The following OPCML variants were observed in gnomAD, a reference collection of about 807,000 sequenced individuals.
OPCML encodes opioid binding protein/cell adhesion molecule like.
Under a neutral mutation model 37.8 loss-of-function variants are expected in OPCML, and 13 were observed. That is an observed-to-expected ratio of 0.34 (90% confidence interval 0.22 to 0.55). OPCML has a LOEUF of 0.55. Among genes scored for constraint, OPCML ranks in the 20% least tolerant of loss-of-function variants. The probability of loss-of-function intolerance (pLI) is 0.91; values close to 1 mark genes in which losing one functional copy is unlikely to be tolerated. For synonymous variants in OPCML, 176 were observed against 168.8 expected, an observed-to-expected ratio of 1.04 and a Z score of -0.33; for missense variants, 341 against 435.6, an observed-to-expected ratio of 0.78 and a Z score of 1.93.
intron 4 of OPCML, among the ~76,000 whole-genome samples, chr11:132,519,074 G>T (rs2096286501): frequency 6.6e-6 from 1 of 152,180 alleles, no homozygotes; most frequent in African/African-American, 2.4e-5. Flanking sequence ...TCCCATTTCT[G>T]ACATGCATAG....
intron 1 of OPCML, among the ~76,000 whole-genome samples, chr11:133,280,249 C>A (rs1050960345): frequency 5.3e-5 from 8 of 152,186 alleles, no homozygotes; most frequent in African/African-American, 1.9e-4. Context: ...CTGTCCTTTT[C>A]TCTCCTTAGA....
At chr11:132,770,896 C>T (rs756915416) in intron 2 of OPCML, among the ~76,000 whole-genome samples, 4 of 152,122 alleles carry the variant, frequency 2.6e-5, no homozygotes, top group South Asian at 2.1e-4. Flanking sequence ...TTGTATTTCC[C>T]GGGGTTAAGG....
intron 2 of OPCML, among the ~76,000 whole-genome samples, chr11:132,778,012 C>A (rs908741443): frequency 1.3e-5 from 2 of 152,194 alleles, no homozygotes; most frequent in Non-Finnish European, 2.9e-5. Flanking sequence ...AGCCAACCAT[C>A]CCCTTTGTTT....
chr11:133,112,988 TC>T (rs896317536), intron 1 of OPCML, among the ~76,000 whole-genome samples: 4 of 152,196 alleles, frequency 2.6e-5, no homozygotes, highest in African/African-American at 9.7e-5. Flanking sequence ...TATTCACAAT[TC>T]CCATCTGCAA....
intron 2 of OPCML, among the ~76,000 whole-genome samples, chr11:132,786,157 C>G (rs997202647): frequency 6.6e-6 from 1 of 152,156 alleles, no homozygotes; most frequent in African/African-American, 2.4e-5. Flanking sequence ...TTGGATTTCT[C>G]TAGCTTTGAA....
At chr11:133,482,206 A>G (rs1262734111) in intron 1 of OPCML, among the ~76,000 whole-genome samples, 2 of 152,120 alleles carry the variant, frequency 1.3e-5, no homozygotes, top group Non-Finnish European at 2.9e-5. Context: ...TGGTGAGAGG[A>G]GTCACAGATA....
chr11:132,697,328 C>T (rs912879233), intron 2 of OPCML, among the ~76,000 whole-genome samples: 3 of 152,152 alleles, frequency 2.0e-5, no homozygotes, highest in East Asian at 3.9e-4. Flanking sequence ...TTCAAGTATG[C>T]GATACACTAT....
intron 3 of OPCML, among the ~76,000 whole-genome samples, chr11:132,544,704 G>A (rs191107595): frequency 6.6e-6 from 1 of 152,082 alleles, no homozygotes; most frequent in Non-Finnish European, 1.5e-5. Context: ...ACAAAAGAAG[G>A]CCACTTTTGC....
Position 133,116,262 on chromosome 11 carries a change from C to T in OPCML, c.62-173252G>A, listed in dbSNP as rs114839055. ...GATTACAGGTGTGAGCCACTGCACC[C>T]GGCCAAGGGCATTATTTACACAACC... On this transcript the variant is annotated intron_variant, in intron 1 of 7. Transcript: ENST00000524381. 5.2e-3 allele frequency among the ~76,000 whole-genome samples: 798 copies of T among 152,288 alleles called. 5 individuals carry two copies. The highest frequency in any genetic ancestry group is 0.018 in the African/African-American group (754 of 41,556).
chr11:133,017,335 T>G (rs1334197813), intron 1 of OPCML, among the ~76,000 whole-genome samples: 1 of 152,128 alleles, frequency 6.6e-6, no homozygotes, highest in Non-Finnish European at 1.5e-5. Context: ...TATTACTCCC[T>G]AGGTAATTCT....
intron 1 of OPCML, among the ~76,000 whole-genome samples, chr11:132,974,186 T>C (rs1305179519): frequency 1.3e-5 from 2 of 152,224 alleles, no homozygotes; most frequent in Non-Finnish European, 2.9e-5. Flanking sequence ...ACCCTTTCTA[T>C]TTGAAATATA....
At chr11:132,925,906 C>T (rs1944974789) in intron 2 of OPCML, among the ~76,000 whole-genome samples, 1 of 152,182 alleles carries the variant, frequency 6.6e-6, no homozygotes, top group Non-Finnish European at 1.5e-5. Context: ...CCCTACCACT[C>T]ATTCTCTTGC....
At chr11:132,421,928 A>T (rs961899567) in intron 7 of OPCML, among the ~76,000 whole-genome samples, 1 of 152,166 alleles carries the variant, frequency 6.6e-6, no homozygotes, top group African/African-American at 2.4e-5. Flanking sequence ...TGAGTGATTT[A>T]GGTTTTTAAA....
rs528651106 is a variant in OPCML at position 132,653,836 on chromosome 11, C to G, written c.379+3251G>C. On this transcript the variant is annotated intron_variant, in intron 3 of 7. Coordinates refer to ENST00000524381, the MANE Select transcript of OPCML (RefSeq NM_001012393.5). ...TGAGATACCCACCTTCTCAAATGGA[C>G]AGAAGATACATAAACACCTTTTGTT... 1.6e-4 allele frequency among the ~76,000 whole-genome samples: 25 copies of G among 152,274 alleles called. 1 individual carries two copies. The South Asian group carries it at 1.9e-3, about 11-fold the overall frequency.
At chr11:133,168,689 A>G (rs2137236058) in intron 1 of OPCML, among the ~76,000 whole-genome samples, 1 of 152,334 alleles carries the variant, frequency 6.6e-6, no homozygotes. Flanking sequence ...GATCTTCCAA[A>G]TGTAAAGATC....
At chr11:133,292,976 G>C (rs1942521207) in intron 1 of OPCML, among the ~76,000 whole-genome samples, 1 of 152,184 alleles carries the variant, frequency 6.6e-6, no homozygotes, top group African/African-American at 2.4e-5. Flanking sequence ...AAGAAGGGCT[G>C]CAGAGGTGGT....
chr11:133,368,535 T>C (rs1326864776), intron 1 of OPCML, among the ~76,000 whole-genome samples: 5 of 152,138 alleles, frequency 3.3e-5, no homozygotes, highest in Non-Finnish European at 7.4e-5. Context: ...AAAGAACAGG[T>C]CCTTGGAGAG....
chr11:132,708,783 C>T lies in OPCML; in HGVS notation c.147-51464G>A, dbSNP rs181662409. Among the ~76,000 whole-genome samples, 3 of 152,294 alleles carry T rather than the reference C, an allele frequency of 2.0e-5. No homozygotes were observed. The East Asian group carries it at 5.8e-4, about 29-fold the overall frequency. ...AGCAGTTGCAGATAGCTCTAAAAAT[C>T]AGACACAAACAATAAAATCTTTTCT... On this transcript the variant is annotated intron_variant, in intron 2 of 7. Transcript: ENST00000524381.
chr11:133,124,633 A>G (rs1413373352), intron 1 of OPCML, among the ~76,000 whole-genome samples: 1 of 152,130 alleles, frequency 6.6e-6, no homozygotes, highest in Non-Finnish European at 1.5e-5. Flanking sequence ...GTATGGGGGC[A>G]TTGAGACTGA....
Sources: gnomAD v4.1 joint callset for allele counts (sites outside exome capture counted in the v4.1 genomes callset) on GRCh38, gnomAD v4.1.1 for gene constraint, MANE v1.5 for transcripts, NCBI Gene and HGNC (gene_info 2026-07-23, HGNC 2026-07-21) for gene names.